C2CD2: variants seen among roughly 807,000 people sequenced by gnomAD.
C2CD2 encodes the protein C2 domain-containing protein 2.
In C2CD2, 43 loss-of-function variants were observed where a neutral mutation model predicts 74.3. The observed-to-expected ratio is 0.58, with a 90% CI of 0.45 to 0.75. The LOEUF is 0.75. Ranked by LOEUF, C2CD2 falls within the 30% of genes least tolerant of loss-of-function variation. The pLI is 0.00. For missense variants in C2CD2, 801 were observed against 916.3 expected (o/e 0.87, Z 1.63); for synonymous variants, 422 against 390.7 (o/e 1.08, Z -0.94).
At chr21:41,940,982 T>TATAATG (rs1373632184) in intron 2 of C2CD2, among the ~76,000 whole-genome samples, 1 of 151,838 alleles carries the variant, frequency 6.6e-6, no homozygotes, top group South Asian at 2.1e-4. Context: ...GTAAGAAATA[T>TATAATG]ATAATGATAA....
Position 41,889,071 on chromosome 21 carries a change from G to T in C2CD2, c.*53C>A. 1 of 1,338,440 alleles carries T rather than the reference G, an allele frequency of 7.5e-7. No individual in the cohort carries two copies. The highest frequency in any genetic ancestry group is 1.1e-6 in the Non-Finnish European group (1 of 933,604). The allele number at this position is 1,338,440 out of a possible 1,614,324, so 82.9% of individuals were successfully genotyped here. ...GGACACACTGGCTGCGTCCTGGTGA[G>T]GGTAGTTAACATGGGTGCACGTCTT... On this transcript the variant is annotated 3_prime_UTR_variant, in exon 14 of 14. Transcript: ENST00000380486.
chr21:41,904,530 C>G (rs2064937478), intron 11 of C2CD2, among the ~76,000 whole-genome samples: 1 of 152,176 alleles, frequency 6.6e-6, no homozygotes, highest in Non-Finnish European at 1.5e-5. Flanking sequence ...TCCAAGAACC[C>G]TCTCTTGGGG....
chr21:41,889,988 T>C (rs2064731347), intron 13 of C2CD2, among the ~76,000 whole-genome samples: 1 of 152,074 alleles, frequency 6.6e-6, no homozygotes, highest in Non-Finnish European at 1.5e-5. Flanking sequence ...CAGACAGCTA[T>C]TGCCTCGGTT....
Position 41,929,835 on chromosome 21 carries a change from GGC to G in C2CD2, c.379-7752_379-7751del, listed in dbSNP as rs1467185046. Among the ~76,000 whole-genome samples the G allele has an allele frequency of 6.6e-6, 1 of 152,210 alleles. No individual in the cohort carries two copies. Among genetic ancestry groups the G allele is most frequent in the Non-Finnish European group, 1.5e-5 (1 of 68,038 alleles). On this transcript the variant is annotated intron_variant, in intron 2 of 13. Coordinates refer to ENST00000380486, the MANE Select transcript of C2CD2 (RefSeq NM_015500.2). The surrounding 1 kb of genome is among the most constrained non-coding windows in gnomAD (Gnocchi z 4.6). The stretch of plus-strand genomic sequence containing the variant: ...ATACTGTAACCAGAATTCAGGCAGT[GGC>G]TGCTAGCAGAGTATGATGAACAAGA...
chr21:41,896,717 A>AC (rs1029560413), intron 13 of C2CD2, among the ~76,000 whole-genome samples: 19 of 151,604 alleles, frequency 1.3e-4, no homozygotes, highest in African/African-American at 4.4e-4. Flanking sequence ...CAAAAAAAAA[A>AC]AAAAAAAAAA....
rs149534730 is a variant in C2CD2 at position 41,950,730 on chromosome 21, A to C, written c.279+2640T>G. On this transcript the variant is annotated intron_variant, in intron 1 of 13. Coordinates refer to ENST00000380486, the MANE Select transcript of C2CD2 (RefSeq NM_015500.2). Reference sequence around the variant, plus strand: ...GGGCCTCAGTCTCCCCTTCTGGAGAAGGGGCTTGGCTAGAAGAGTTTAGGG... The same window carrying C: ...GGGCCTCAGTCTCCCCTTCTGGAGACGGGGCTTGGCTAGAAGAGTTTAGGG... Among the ~76,000 whole-genome samples, 683 of 152,338 alleles carry C rather than the reference A, an allele frequency of 4.5e-3. 5 individuals are homozygous for C. Among genetic ancestry groups the C allele is most frequent in the African/African-American group, 0.016 (648 of 41,574 alleles).
rs145231477 is a variant in C2CD2, at chr21:41,921,304, T to A, written c.492+668A>T. ...AGCCCAGACATCTGCAATTTTTAAATACCAGCTAAAGAGGAACTCCAGTGA... is the reference window on the plus strand; with the variant it reads ...AGCCCAGACATCTGCAATTTTTAAAAACCAGCTAAAGAGGAACTCCAGTGA... On this transcript the variant is annotated intron_variant, in intron 3 of 13. Coordinates refer to ENST00000380486, the MANE Select transcript of C2CD2 (RefSeq NM_015500.2). 3.9e-3 allele frequency among the ~76,000 whole-genome samples: 590 copies of A among 152,300 alleles called. 3 individuals carry two copies. Among genetic ancestry groups the A allele is most frequent in the East Asian group, 0.019 (98 of 5,182 alleles).
chr21:41,952,960 C>T (rs193059886), intron 1 of C2CD2: 1 of 185,426 alleles, frequency 5.4e-6, no homozygotes, highest in East Asian at 1.3e-4. Flanking sequence ...AAATTCAGCT[C>T]TATGAGAGGC....
rs1246065827 is a variant in C2CD2 at position 41,924,567 on chromosome 21, G to A, written c.379-2482C>T. 1.3e-5 allele frequency among the ~76,000 whole-genome samples: 2 copies of A among 152,096 alleles called. No individual in the cohort carries two copies. The highest frequency in any genetic ancestry group is 2.9e-5 in the Non-Finnish European group (2 of 68,006). ...TTGTCTATTCATGTTAAAAATAAATGATCTATAAACAGTCCTTTACGGAGG... is the reference window on the plus strand; with the variant it reads ...TTGTCTATTCATGTTAAAAATAAATAATCTATAAACAGTCCTTTACGGAGG... On this transcript the variant is annotated intron_variant, in intron 2 of 13. Coordinates refer to ENST00000380486, the MANE Select transcript of C2CD2 (RefSeq NM_015500.2). The surrounding 1 kb of genome is among the most constrained non-coding windows in gnomAD (Gnocchi z 4.4).
At chr21:41,948,867 CA>C (rs1266088989) in intron 1 of C2CD2, among the ~76,000 whole-genome samples, 2 of 36,824 alleles carry the variant, frequency 5.4e-5, no homozygotes, top group African/African-American at 1.2e-4. Context: ...GTCCACACAG[CA>C]TCTTTTTTTT....
In C2CD2 at chr21:41,939,711, T is replaced by C. The variant is rs116540999; in HGVS notation, c.378+2436A>G. 0.028 allele frequency among the ~76,000 whole-genome samples: 4,266 copies of C among 152,244 alleles called. 192 individuals carry two copies. Among genetic ancestry groups the C allele is most frequent in the African/African-American group, 0.095 (3,932 of 41,526 alleles). ...TTTCCAGTGACTTCCTCACACTACT[T>C]ACAAGGATTATCTAACAGCGTGGCT... On this transcript the variant is annotated intron_variant, in intron 2 of 13. Transcript: ENST00000380486. The surrounding 1 kb of genome is among the most constrained non-coding windows in gnomAD (Gnocchi z 5.5).
At chr21:41,940,780 C>G (rs554542947) in intron 2 of C2CD2, among the ~76,000 whole-genome samples, 13 of 152,206 alleles carry the variant, frequency 8.5e-5, no homozygotes, top group South Asian at 2.1e-4. Flanking sequence ...CTTCTTTTCC[C>G]TCCTAAAGTG....
At chr21:41,918,760 C>A (rs2065121373) in intron 4 of C2CD2, 96 bp downstream of exon 4, 2 of 934,706 alleles carry the variant, frequency 2.1e-6, no homozygotes, top group African/African-American at 1.6e-5. Flanking sequence ...AGGAGGCCAG[C>A]AACACCAGCC....
intron 11 of C2CD2, among the ~76,000 whole-genome samples, chr21:41,904,063 C>T (rs1020173596): frequency 2.6e-5 from 4 of 152,068 alleles, no homozygotes; most frequent in Admixed American, 6.5e-5. Context: ...GCTAGGAGGT[C>T]GGCACAAGAC....
rs964202975 is a variant in C2CD2 at position 41,885,300 on chromosome 21, T to C, written c.*3824A>G. ...CCGCACTCCAGCGTCAGGCCAAACCTTTCCGTGGACCTGGAAAACCTGCCA... is the reference window on the plus strand; with the variant it reads ...CCGCACTCCAGCGTCAGGCCAAACCCTTCCGTGGACCTGGAAAACCTGCCA... On this transcript the variant is annotated 3_prime_UTR_variant, in exon 14 of 14. Coordinates refer to ENST00000380486, the MANE Select transcript of C2CD2 (RefSeq NM_015500.2). 2 of 152,300 alleles carry C rather than the reference T, an allele frequency of 1.3e-5. No homozygotes were observed. The highest frequency in any genetic ancestry group is 2.9e-5 in the Non-Finnish European group (2 of 68,066). The allele number at this position is 152,300 out of a possible 1,614,324, so 9.4% of individuals were successfully genotyped here.
intron 1 of C2CD2, among the ~76,000 whole-genome samples, chr21:41,944,371 A>T (rs1038428315): frequency 1.3e-5 from 2 of 151,814 alleles, no homozygotes; most frequent in Admixed American, 1.3e-4. Context: ...ACACAAAAAA[A>T]ATTAGCCAGG....
intron 2 of C2CD2, among the ~76,000 whole-genome samples, chr21:41,941,585 A>G (rs914894369): frequency 2.0e-5 from 3 of 152,266 alleles, no homozygotes; most frequent in Non-Finnish European, 4.4e-5. Flanking sequence ...CATGATGTGC[A>G]TATTTGAGCA....
Position 41,901,895 on chromosome 21 carries a change from T to A in C2CD2, c.1433-146A>T, listed in dbSNP as rs74785220. The A allele has an allele frequency of 0.016, 10,884 of 699,136 alleles. 868 individuals carry two copies. The African/African-American group carries it at 0.17, about 11-fold the overall frequency. The allele number at this position is 699,136 out of a possible 1,614,324, so 43.3% of individuals were successfully genotyped here. On this transcript the variant is annotated intron_variant, in intron 11 of 13. Transcript: ENST00000380486. ...AAAGGGTCAATTGTTTAGGCTTTGTTGGTGGTCTCTGCAACAACTTCTCAA... is the reference window on the plus strand; with the variant it reads ...AAAGGGTCAATTGTTTAGGCTTTGTAGGTGGTCTCTGCAACAACTTCTCAA...
chr21:41,906,536 T>A (rs1430714796), intron 10 of C2CD2, among the ~76,000 whole-genome samples: 2 of 152,160 alleles, frequency 1.3e-5, no homozygotes, highest in Admixed American at 6.5e-5. Flanking sequence ...CAGTTAATTT[T>A]GTATTTTTAG....
Sources: allele counts gnomAD v4.1 joint callset (sites outside exome capture counted in the v4.1 genomes callset), GRCh38; gene constraint gnomAD v4.1.1; non-coding constraint Gnocchi (gnomAD v3.1); transcripts MANE v1.5; gene names NCBI Gene and HGNC (gene_info 2026-07-23, HGNC 2026-07-21).